Variants in NUP214 observed in about 807,000 individuals in gnomAD.
The protein encoded by NUP214 is nuclear pore complex protein Nup214.
Under a neutral mutation model 196.2 loss-of-function variants are expected in NUP214, and 79 were observed. The ratio of observed to expected loss-of-function variants is 0.40; its 90% confidence interval spans 0.34 to 0.49. NUP214 has a LOEUF of 0.49. Ranked by LOEUF, NUP214 falls within the 20% of genes least tolerant of loss-of-function variation. The probability of loss-of-function intolerance (pLI) is 0.58; values close to 1 mark genes in which losing one functional copy is unlikely to be tolerated. For missense variants in NUP214, 2,468 were observed against 2,539.0 expected, an observed-to-expected ratio of 0.97 and a Z score of 0.60; for synonymous variants, 1,020 against 990.5, an observed-to-expected ratio of 1.03 and a Z score of -0.56.
At chr9:131,178,969 T>TTTG (rs747733056) in intron 24 of NUP214, among the ~76,000 whole-genome samples, 48 of 151,628 alleles carry the variant, frequency 3.2e-4, no homozygotes, top group South Asian at 8.3e-4. Context: ...TGGTGGTGGT[T>TTTG]TTGTTGTTGT....
rs748436804 is a variant in NUP214 at position 131,189,092 on chromosome 9, C to G, written c.3535C>G (p.Pro1179Ala). The change falls in exon 26 of 36, where the codon CCA becomes GCA. Residue 1179 changes from proline to alanine, a missense_variant. Around this residue, in one of 5 missense-constraint regions of NUP214, gnomAD observed 1,801 missense variants for 1,779.4 expected, o/e 1.01. Coordinates refer to ENST00000359428, the MANE Select transcript of NUP214 (RefSeq NM_005085.4). Reference protein sequence around the residue: ...INSLKPSGPTPASGQLSSGDK... With the variant: ...INSLKPSGPTAASGQLSSGDK... ...TTCCCTTAAGCCATCTGGGCCTACA[C>G]CAGCATCCGGTCAGTTATCATCTGG... 78 of 1,613,960 alleles carry G rather than the reference C, an allele frequency of 4.8e-5. No homozygotes were observed. Among genetic ancestry groups the G allele is most frequent in the Non-Finnish European group, 5.9e-5 (70 of 1,179,954 alleles).
At chr9:131,131,634 C>G (rs1409508255) in intron 5 of NUP214, among the ~76,000 whole-genome samples, 4 of 152,048 alleles carry the variant, frequency 2.6e-5, no homozygotes, top group Admixed American at 2.6e-4. Flanking sequence ...AAAGATAATG[C>G]AATTTTTTAA....
chr9:131,150,483 G>T, intron 15 of NUP214, 73 bp downstream of exon 15: 2 of 1,574,360 alleles, frequency 1.3e-6, no homozygotes, highest in Non-Finnish European at 1.7e-6. Context: ...GCCAACCCCT[G>T]TATGACTAGT....
At chr9:131,216,414 A>G (rs1834397709) in intron 31 of NUP214, among the ~76,000 whole-genome samples, 1 of 146,734 alleles carries the variant, frequency 6.8e-6, no homozygotes, top group African/African-American at 2.5e-5. Context: ...TTTTTAGTAG[A>G]GACGGGGTTT....
rs780474210 is a variant in NUP214 at position 131,198,557 on chromosome 9, A to G, written c.5063A>G (p.Gln1688Arg). Residue 1688 changes from glutamine (Q) to arginine (R), a missense_variant, in exon 29 of 36, where the codon CAG becomes CGG. This residue lies in a region of NUP214 where 1,801 missense variants were observed against 1,779.4 expected (regional missense o/e 1.01). Coordinates refer to ENST00000359428, the MANE Select transcript of NUP214 (RefSeq NM_005085.4). ...AGCACCGCACCAAGTCTGTTTGGGC[A>G]GCAGACTGGTAGCACAGCCAGCACA... Reference protein sequence around the residue: ...AASTAPSLFGQQTGSTASTAA... With the variant: ...AASTAPSLFGRQTGSTASTAA... The G allele has an allele frequency of 1.2e-6, 2 of 1,614,126 alleles. No homozygotes were observed. Among genetic ancestry groups the G allele is most frequent in the African/African-American group, 2.7e-5 (2 of 74,958 alleles).
Position 131,198,074 on chromosome 9 carries a change from C to G in NUP214, c.4580C>G (p.Pro1527Arg). The G allele has an allele frequency of 6.2e-7, 1 of 1,614,134 alleles. No individual in the cohort carries two copies. Among genetic ancestry groups the G allele is most frequent in the African/African-American group, 1.3e-5 (1 of 75,034 alleles). Residue 1527 changes from proline to arginine, a missense_variant, in exon 29 of 36, where the codon CCC becomes CGC. Physicochemically the swap from Pro to Arg is moderately radical, Grantham distance 103. Coordinates refer to ENST00000359428, the MANE Select transcript of NUP214 (RefSeq NM_005085.4). ...GAGGAGCAACAGTCAGCCCAGCTTC[C>G]CCAGGCTCCTCCGCAAACTTCTGAC... is the stretch of plus-strand genomic sequence containing the variant. ...LLEEQQSAQL[P>R]QAPPQTSDSV...
intron 31 of NUP214, among the ~76,000 whole-genome samples, chr9:131,220,933 T>G (rs1318063972): frequency 6.6e-6 from 1 of 152,232 alleles, no homozygotes; most frequent in Admixed American, 6.5e-5. Context: ...CACCTCACAT[T>G]TCATATGGTT....
At chr9:131,127,926 A>G (rs947980978) in intron 2 of NUP214, among the ~76,000 whole-genome samples, 6 of 152,198 alleles carry the variant, frequency 3.9e-5, no homozygotes, top group South Asian at 2.1e-4. Flanking sequence ...TCTCAGCTCA[A>G]CAGGGAAGAA....
At position 131,197,940 on chromosome 9, in the gene NUP214, C is replaced by T. The variant is rs1288716390; in HGVS notation, c.4446C>T (p.Thr1482=). 2 of 1,614,226 alleles carry T rather than the reference C, an allele frequency of 1.2e-6. No homozygotes were observed. The highest frequency in any genetic ancestry group is 4.5e-5 in the East Asian group (2 of 44,884). The change falls in exon 29 of 36, where the codon ACC becomes ACT. Residue 1482 remains threonine (T), a synonymous_variant. Transcript: ENST00000359428. The part of the protein sequence containing the change: ...SFGSLLSSAT[T]PSLPMSAGRS... ...GTAGCCTCCTGAGTTCAGCAACTAC[C>T]CCCTCCCTGCCTATGTCCGCTGGCA...
chr9:131,161,883 C>T (rs933325075), intron 18 of NUP214, among the ~76,000 whole-genome samples: 5 of 152,212 alleles, frequency 3.3e-5, no homozygotes, highest in African/African-American at 1.2e-4. Context: ...GCCTGTTGCT[C>T]CTAGACCACA....
chr9:131,157,061 T>A (rs1832472814), intron 17 of NUP214, among the ~76,000 whole-genome samples: 1 of 152,088 alleles, frequency 6.6e-6, no homozygotes, highest in Non-Finnish European at 1.5e-5. Flanking sequence ...AAGCCTCGAA[T>A]TCCTGGGCCC....
chr9:131,136,839 A>C (rs1007548537), intron 9 of NUP214: 46 of 152,340 alleles, frequency 3.0e-4, no homozygotes, highest in African/African-American at 1.1e-3. Flanking sequence ...AGAGGGCACA[A>C]CGAAAGAAGG....
chr9:131,209,386 A>T (rs1421613849), intron 30 of NUP214, among the ~76,000 whole-genome samples: 4 of 152,116 alleles, frequency 2.6e-5, no homozygotes, highest in Non-Finnish European at 4.4e-5. Flanking sequence ...TGTCTCAGTC[A>T]GTCAAATTTA....
At chr9:131,126,358 C>T (rs1164412406) in intron 1 of NUP214, 1 of 152,792 alleles carries the variant, frequency 6.5e-6, no homozygotes, top group Non-Finnish European at 1.5e-5. Context: ...TGGGAGTCCC[C>T]CAGGGATAAC....
chr9:131,222,912 T>C lies in NUP214; in HGVS notation c.5884T>C (p.Ser1962Pro), dbSNP rs1171292033. The C allele has an allele frequency of 6.2e-7, 1 of 1,614,118 alleles. No individual in the cohort carries two copies. Among genetic ancestry groups the C allele is most frequent in the South Asian group, 1.1e-5 (1 of 91,082 alleles). ...GSVASQGFGF[S>P]SPNKTGGFGA... ...TGTGGCATCCCAAGGCTTTGGGTTT[T>C]CCTCTCCAAACAAAACAGGTACTCC... is the stretch of plus-strand genomic sequence containing the variant. Residue 1962 changes from serine to proline, a missense_variant, in exon 32 of 36, where the codon TCC becomes CCC. Physicochemically the swap from Ser to Pro is moderately conservative, Grantham distance 74. Transcript: ENST00000359428.
At position 131,197,664 on chromosome 9, in the gene NUP214, C is replaced by T; in HGVS notation, c.4170C>T (p.Ser1390=). The change falls in exon 29 of 36, where the codon TCC becomes TCT. Residue 1390 remains serine (S), a synonymous_variant. Transcript: ENST00000359428. Reference sequence around the variant, plus strand: ...AGCACACGGAGCCCCCTGTGACATCCTCTGCAACCACCACCTCAGTAGCAC... The same window carrying T: ...AGCACACGGAGCCCCCTGTGACATCTTCTGCAACCACCACCTCAGTAGCAC... The part of the protein sequence containing the change: ...LGKHTEPPVT[S]SATTTSVAPP... The T allele has an allele frequency of 6.2e-7, 1 of 1,614,224 alleles. No homozygotes were observed. The highest frequency in any genetic ancestry group is 1.1e-5 in the South Asian group (1 of 91,090).
rs1360921341 is a variant in NUP214, at chr9:131,222,777, G to A, written c.5750-1G>A. On this transcript the variant is annotated splice_acceptor_variant, in intron 31 of 35. Coordinates refer to ENST00000359428, the MANE Select transcript of NUP214 (RefSeq NM_005085.4). LOFTEE classifies it high-confidence loss of function. ...CCTCCCTCACATCTTCATCTCTTCA[G>A]ATACCTCTAACCTATTTGGAAACAG... 1 of 1,612,632 alleles carries A rather than the reference G, an allele frequency of 6.2e-7. No homozygotes were observed. The highest frequency in any genetic ancestry group is 8.5e-7 in the Non-Finnish European group (1 of 1,179,182).
rs762029109 is a variant in NUP214 at position 131,198,410 on chromosome 9, C to T, written c.4916C>T (p.Thr1639Ile). The T allele has an allele frequency of 6.8e-6, 11 of 1,614,154 alleles. No individual in the cohort carries two copies. Among genetic ancestry groups the T allele is most frequent in the Non-Finnish European group, 5.1e-6 (6 of 1,180,050 alleles). The part of the protein sequence containing the change: ...SAEAAAFGTV[T>I]SGSSVFAQPP... Reference sequence around the variant, plus strand: ...GAGGCAGCAGCATTTGGTACCGTCACTTCTGGCTCATCCGTCTTTGCTCAG... The same window carrying T: ...GAGGCAGCAGCATTTGGTACCGTCATTTCTGGCTCATCCGTCTTTGCTCAG... The change falls in exon 29 of 36, where the codon ACT becomes ATT. Residue 1639 changes from threonine to isoleucine, a missense_variant. Coordinates refer to ENST00000359428, the MANE Select transcript of NUP214 (RefSeq NM_005085.4).
intron 11 of NUP214, among the ~76,000 whole-genome samples, chr9:131,141,138 CAAA>C (rs5900924): frequency 7.5e-6 from 1 of 132,626 alleles, no homozygotes; most frequent in South Asian, 2.4e-4. Context: ...AATACATCAC[CAAA>C]AAAAAAAAAA....
Sources: gnomAD v4.1 joint callset for allele counts (sites outside exome capture counted in the v4.1 genomes callset) on GRCh38, gnomAD v4.1.1 for gene constraint, gnomAD v4.1.1 regional missense constraint, MANE v1.5 for transcripts, NCBI Gene and HGNC (gene_info 2026-07-23, HGNC 2026-07-21) for gene names.